Variants in MAD1L1 observed in about 807,000 individuals in gnomAD.
The protein encoded by MAD1L1 is mitotic spindle assembly checkpoint protein MAD1.
Under a neutral mutation model 96.9 loss-of-function variants are expected in MAD1L1, and 95 were observed. The ratio of observed to expected loss-of-function variants is 0.98; its 90% confidence interval spans 0.83 to 1.16. The LOEUF (loss-of-function observed/expected upper bound fraction) is 1.16, where lower values mean the gene tolerates loss of function less well. Among genes scored for constraint, MAD1L1 ranks in the 50% most tolerant of loss-of-function variants. The pLI, the probability that MAD1L1 is intolerant of heterozygous loss-of-function variation, is 0.00. For missense variants in MAD1L1, 1,007 were observed against 954.4 expected, an observed-to-expected ratio of 1.06 and a Z score of -0.73; for synonymous variants, 473 against 396.6, an observed-to-expected ratio of 1.19 and a Z score of -2.29.
chr7:2,172,167 G>A (rs1032818457), intron 10 of MAD1L1, among the ~76,000 whole-genome samples: 2 of 152,180 alleles, frequency 1.3e-5, no homozygotes, highest in African/African-American at 4.8e-5. Context: ...GAAGTGCTTG[G>A]AGCAGCACCT....
At chr7:2,218,308 C>T (rs1261733424) in intron 6 of MAD1L1, among the ~76,000 whole-genome samples, 1 of 152,200 alleles carries the variant, frequency 6.6e-6, no homozygotes, top group Non-Finnish European at 1.5e-5. Flanking sequence ...TGAGCCCAGG[C>T]CACCTGCAAG....
At chr7:2,227,884 G>A (rs1793985527) in intron 3 of MAD1L1, among the ~76,000 whole-genome samples, 1 of 152,170 alleles carries the variant, frequency 6.6e-6, no homozygotes, top group African/African-American at 2.4e-5. Context: ...TCTGCCTGGA[G>A]CTGACTACAA....
intron 12 of MAD1L1, among the ~76,000 whole-genome samples, chr7:2,039,065 T>C (rs1300790527): frequency 6.6e-6 from 1 of 152,190 alleles, no homozygotes; most frequent in East Asian, 1.9e-4. Flanking sequence ...ACGGCAGCCA[T>C]CCACAGGCTG....
At chr7:1,874,578 C>A in intron 18 of MAD1L1, 2 of 452,778 alleles carry the variant, frequency 4.4e-6, no homozygotes, top group South Asian at 1.6e-5. Flanking sequence ...TGTTGAGTGG[C>A]TCTCACCTAT....
At chr7:2,040,296 C>A (rs1783617222) in intron 12 of MAD1L1, among the ~76,000 whole-genome samples, 1 of 152,212 alleles carries the variant, frequency 6.6e-6, no homozygotes. Flanking sequence ...TCTGCGGCTC[C>A]ATCTCAGCTC....
At chr7:1,935,890 C>T (rs1320195692) in intron 17 of MAD1L1, among the ~76,000 whole-genome samples, 8 of 152,382 alleles carry the variant, frequency 5.2e-5, no homozygotes, top group South Asian at 2.1e-4. Flanking sequence ...AGCAAGGGGA[C>T]GCCGGGCCAC....
chr7:2,216,860 T>C (rs1793309907), intron 7 of MAD1L1, among the ~76,000 whole-genome samples: 1 of 152,216 alleles, frequency 6.6e-6, no homozygotes, highest in Admixed American at 6.5e-5. Flanking sequence ...AGGACTCTCC[T>C]GTGGGAGGCC....
At chr7:2,029,230 C>T (rs1783111761) in intron 12 of MAD1L1, among the ~76,000 whole-genome samples, 1 of 152,148 alleles carries the variant, frequency 6.6e-6, no homozygotes, top group African/African-American at 2.4e-5. Context: ...AATTCAAACG[C>T]CCATTCACAG....
At chr7:1,999,904 G>A (rs1781716673) in intron 14 of MAD1L1, among the ~76,000 whole-genome samples, 1 of 152,126 alleles carries the variant, frequency 6.6e-6, no homozygotes. Context: ...AGGGCTCTGT[G>A]ACTGCACCTG....
intron 18 of MAD1L1, among the ~76,000 whole-genome samples, chr7:1,857,610 T>A (rs1164724809): frequency 6.6e-6 from 1 of 152,190 alleles, no homozygotes; most frequent in African/African-American, 2.4e-5. Context: ...GATGAGCCCC[T>A]GGACCAGGGC....
intron 15 of MAD1L1, among the ~76,000 whole-genome samples, chr7:1,959,258 T>C (rs997863090): frequency 2.6e-5 from 4 of 151,412 alleles, no homozygotes; most frequent in African/African-American, 9.7e-5. Flanking sequence ...CAAAAACAAA[T>C]AAATAAGCAA....
At chr7:2,083,978 T>C (rs940512784) in intron 11 of MAD1L1, among the ~76,000 whole-genome samples, 2 of 152,182 alleles carry the variant, frequency 1.3e-5, no homozygotes, top group Admixed American at 6.5e-5. Flanking sequence ...AGACTGGGCA[T>C]GGACCCCCAC....
At chr7:2,151,470 C>T (rs964484600) in intron 10 of MAD1L1, among the ~76,000 whole-genome samples, 1 of 152,244 alleles carries the variant, frequency 6.6e-6, no homozygotes, top group African/African-American at 2.4e-5. Context: ...GTACCAGGCC[C>T]CAGGGTTCTC....
intron 16 of MAD1L1, among the ~76,000 whole-genome samples, chr7:1,947,371 G>A (rs1488406896): frequency 6.6e-6 from 1 of 152,242 alleles, no homozygotes; most frequent in South Asian, 2.1e-4. Context: ...GCGACAAGAG[G>A]GGAATGGAAA....
chr7:2,212,415 T>C (rs923421475), intron 10 of MAD1L1, among the ~76,000 whole-genome samples: 3 of 152,286 alleles, frequency 2.0e-5, no homozygotes, highest in East Asian at 1.9e-4. Context: ...CCATGCCTCA[T>C]GTTGAATTGT....
chr7:2,031,144 G>C (rs1783207250), intron 12 of MAD1L1, among the ~76,000 whole-genome samples: 1 of 152,202 alleles, frequency 6.6e-6, no homozygotes, highest in South Asian at 2.1e-4. Context: ...AAGGCAGCAG[G>C]AGGCTGAACA....
At chr7:1,859,783 G>A (rs115453122) in intron 18 of MAD1L1, among the ~76,000 whole-genome samples, 121 of 148,778 alleles carry the variant, frequency 8.1e-4, no homozygotes, top group African/African-American at 2.7e-3. Flanking sequence ...CCTGCAGGGC[G>A]GCCTCTGTCT....
At chr7:2,191,748 T>C (rs952156551) in intron 10 of MAD1L1, among the ~76,000 whole-genome samples, 7 of 148,966 alleles carry the variant, frequency 4.7e-5, no homozygotes, top group African/African-American at 1.7e-4. Context: ...TTAAAAAAAA[T>C]TAAGCCGGGT....
intron 10 of MAD1L1, among the ~76,000 whole-genome samples, chr7:2,195,248 A>C (rs532680841): frequency 6.6e-6 from 1 of 152,330 alleles, no homozygotes; most frequent in South Asian, 2.1e-4. Flanking sequence ...GCTACCAATG[A>C]CACTCTTTTC....
Sources: gnomAD v4.1 joint callset for allele counts (sites outside exome capture counted in the v4.1 genomes callset) on GRCh38, gnomAD v4.1.1 for gene constraint, MANE v1.5 for transcripts, NCBI Gene and HGNC (gene_info 2026-07-23, HGNC 2026-07-21) for gene names.